Variants in KCNMA1 observed in about 807,000 individuals in gnomAD.
KCNMA1 encodes the protein Calcium-activated potassium channel subunit alpha-1.
Under a neutral mutation model 140.0 loss-of-function variants are expected in KCNMA1, and 29 were observed. That is an observed-to-expected ratio of 0.21 (90% CI 0.15 to 0.28). The LOEUF (loss-of-function observed/expected upper bound fraction) is 0.28. KCNMA1 is among the 10% of genes least tolerant of loss of function. KCNMA1 has a pLI of 1.00. For synonymous variants in KCNMA1, 612 were observed against 611.9 expected (o/e 1.00, Z 0.00); for missense variants, 880 against 1,602.2 (o/e 0.55, Z 7.70).
chr10:77,372,154 T>C (rs982479875), intron 2 of KCNMA1, among the ~76,000 whole-genome samples: 2 of 152,204 alleles, frequency 1.3e-5, no homozygotes, highest in Non-Finnish European at 2.9e-5. Context: ...CATCACTCAG[T>C]GCAAGACCAG....
chr10:77,048,906 G>A (rs547029584), intron 14 of KCNMA1, among the ~76,000 whole-genome samples: 8 of 152,086 alleles, frequency 5.3e-5, no homozygotes, highest in East Asian at 3.9e-4. Context: ...GACTACAAGC[G>A]CCTGCCACCA....
At chr10:77,534,603 T>C (rs2154553602) in intron 1 of KCNMA1, among the ~76,000 whole-genome samples, 1 of 152,292 alleles carries the variant, frequency 6.6e-6, no homozygotes, top group South Asian at 2.1e-4. Context: ...GATTTGGGCA[T>C]CAAAAGTTCT....
intron 1 of KCNMA1, among the ~76,000 whole-genome samples, chr10:77,548,152 C>A (rs2061886518): frequency 6.6e-6 from 1 of 152,014 alleles, no homozygotes; most frequent in Non-Finnish European, 1.5e-5. Context: ...AAAAAATGGC[C>A]CCTGAGTTTC....
intron 1 of KCNMA1, among the ~76,000 whole-genome samples, chr10:77,437,400 A>G (rs766097734): frequency 1.2e-4 from 18 of 152,220 alleles, no homozygotes; most frequent in Non-Finnish European, 2.2e-4. Flanking sequence ...AAGCATTTCT[A>G]AAAATCAAAG....
At chr10:77,217,645 A>T (rs2154184307) in intron 3 of KCNMA1, 1 of 418,872 alleles carries the variant, frequency 2.4e-6, no homozygotes, top group Non-Finnish European at 4.9e-6. Context: ...AAAAAGTGGT[A>T]TGAAGTGCAG....
At chr10:77,409,212 G>A (rs2096564967) in intron 1 of KCNMA1, among the ~76,000 whole-genome samples, 1 of 152,158 alleles carries the variant, frequency 6.6e-6, no homozygotes, top group Admixed American at 6.5e-5. Context: ...TGGTGCTCAA[G>A]ATACAAACCT....
chr10:77,618,997 A>C (rs1376643218), intron 1 of KCNMA1, among the ~76,000 whole-genome samples: 3 of 152,300 alleles, frequency 2.0e-5, no homozygotes, highest in Non-Finnish European at 4.4e-5. Flanking sequence ...GGAAGTCCTA[A>C]GTGGCTGGGT....
chr10:77,448,134 T>G (rs949850831), intron 1 of KCNMA1, among the ~76,000 whole-genome samples: 1 of 151,802 alleles, frequency 6.6e-6, no homozygotes, highest in Non-Finnish European at 1.5e-5. Context: ...CATAAAGGGG[T>G]GAAAAGACCT....
intron 1 of KCNMA1, among the ~76,000 whole-genome samples, chr10:77,434,817 A>G (rs1182868314): frequency 6.6e-6 from 1 of 152,176 alleles, no homozygotes; most frequent in African/African-American, 2.4e-5. Context: ...TTTTGGACTA[A>G]TCTAGAAGAA....
chr10:77,600,341 G>A (rs1425743057), intron 1 of KCNMA1, among the ~76,000 whole-genome samples: 1 of 152,316 alleles, frequency 6.6e-6, no homozygotes, highest in East Asian at 1.9e-4. Flanking sequence ...GCAGCCTAGT[G>A]GGGAGAGCAG....
At chr10:76,970,218 G>A (rs941974959) in intron 19 of KCNMA1, 151 bp from the exon 20 acceptor site, 10 of 682,114 alleles carry the variant, frequency 1.5e-5, no homozygotes, top group Non-Finnish European at 2.1e-5. Flanking sequence ...GACCAAATGT[G>A]TTAGTCAAAG....
intron 14 of KCNMA1, among the ~76,000 whole-genome samples, chr10:77,046,744 G>A (rs559787593): frequency 6.6e-6 from 1 of 152,116 alleles, no homozygotes; most frequent in East Asian, 1.9e-4. Flanking sequence ...CCCCTTCTTA[G>A]CCTCTTCGTT....
chr10:77,237,766 G>T (rs2056031366), intron 3 of KCNMA1, among the ~76,000 whole-genome samples: 1 of 152,136 alleles, frequency 6.6e-6, no homozygotes, highest in Non-Finnish European at 1.5e-5. Flanking sequence ...GAGCTGCCCA[G>T]CAGACCTTTT....
At chr10:77,276,489 G>A (rs752200546) in intron 2 of KCNMA1, among the ~76,000 whole-genome samples, 1 of 152,192 alleles carries the variant, frequency 6.6e-6, no homozygotes, top group Non-Finnish European at 1.5e-5. Flanking sequence ...GTGTGGCCCT[G>A]CGGAAGTCAC....
chr10:76,889,611 T>C, intron 26 of KCNMA1, 42 bp from the exon 27 acceptor site: 5 of 1,478,022 alleles, frequency 3.4e-6, no homozygotes, highest in Non-Finnish European at 4.7e-6. Flanking sequence ...TCCTTTTTAT[T>C]TGCCTGAAAA....
At chr10:77,061,523 G>A (rs1470346652) in intron 14 of KCNMA1, among the ~76,000 whole-genome samples, 2 of 152,122 alleles carry the variant, frequency 1.3e-5, no homozygotes, top group Non-Finnish European at 1.5e-5. Context: ...ATAAGGATGC[G>A]GAGCTACAGA....
chr10:77,598,756 C>G (rs376990847), intron 1 of KCNMA1, among the ~76,000 whole-genome samples: 3 of 152,184 alleles, frequency 2.0e-5, no homozygotes, highest in Admixed American at 6.5e-5. Context: ...GAACCCATCC[C>G]TGCCCCGCAT....
intron 20 of KCNMA1, among the ~76,000 whole-genome samples, chr10:76,956,149 T>C (rs1191763781): frequency 6.6e-6 from 1 of 152,338 alleles, no homozygotes; most frequent in East Asian, 1.9e-4. Flanking sequence ...CTTGATTCTT[T>C]CTGGGAAGGA....
At chr10:77,577,667 C>A (rs1220643251) in intron 1 of KCNMA1, among the ~76,000 whole-genome samples, 2 of 152,162 alleles carry the variant, frequency 1.3e-5, no homozygotes, top group East Asian at 3.9e-4. Context: ...TTGTAAATAT[C>A]TAGATTTCCA....
Sources: allele counts gnomAD v4.1 joint callset (sites outside exome capture counted in the v4.1 genomes callset), GRCh38; gene constraint gnomAD v4.1.1; transcripts MANE v1.5; gene names NCBI Gene and HGNC (gene_info 2026-07-23, HGNC 2026-07-21).